ZNF10: variants seen among roughly 807,000 people sequenced by gnomAD.
ZNF10 encodes the protein zinc finger protein 10 (KOX 1).
Under a neutral mutation model 12.2 loss-of-function variants are expected in ZNF10, and 8 were observed. The observed-to-expected ratio is 0.66, with a 90% CI of 0.39 to 1.18. The LOEUF is 1.18. Among genes scored for constraint, ZNF10 ranks in the 50% most tolerant of loss-of-function variants. ZNF10 has a pLI of 0.01. For missense variants in ZNF10, 603 were observed against 678.9 expected, an observed-to-expected ratio of 0.89 and a Z score of 1.24; for synonymous variants, 229 against 228.2, an observed-to-expected ratio of 1.00 and a Z score of -0.03.
In ZNF10 at chr12:133,140,202, C is replaced by CAAA. The variant is rs67577219; in HGVS notation, c.-59-4205_-59-4203dup. On this transcript the variant is annotated intron_variant, in intron 1 of 4. Transcript: ENST00000248211. ...TGGATGACAGAGTAAGACCCTGTCT[C>CAAA]AAAAAAAAAAAAAAAAAAAAAAAAA... 1.4e-3 allele frequency among the ~76,000 whole-genome samples: 51 copies of CAAA among 35,200 alleles called. 4 individuals are homozygous for CAAA. The highest frequency in any genetic ancestry group is 0.011 in the South Asian group (6 of 562). The allele number at this position is 35,200 out of a possible 152,430, so 23.1% of individuals were successfully genotyped here.
chr12:133,155,901 TTC>T lies in ZNF10; in HGVS notation c.657_658del (p.Phe219LeufsTer16). On this transcript the variant is annotated frameshift_variant, in exon 5 of 5. Coordinates refer to ENST00000248211, the MANE Select transcript of ZNF10 (RefSeq NM_015394.5). LOFTEE classifies it low-confidence loss of function (END_TRUNC). The part of the protein sequence containing the change: ...ASNSNECGQT[F>X]CQNIHLIQFA... The stretch of plus-strand genomic sequence containing the variant: ...TAACAGTAATGAATGTGGTCAAACT[TTC>T]TGTCAAAACATTCACCTTATTCAGT... The T allele has an allele frequency of 6.2e-7, 1 of 1,613,936 alleles. No homozygotes were observed. The highest frequency in any genetic ancestry group is 8.5e-7 in the Non-Finnish European group (1 of 1,179,926).
At chr12:133,138,013 A>G (rs974607584) in intron 1 of ZNF10, among the ~76,000 whole-genome samples, 2 of 150,970 alleles carry the variant, frequency 1.3e-5, no homozygotes, top group Admixed American at 6.6e-5. Context: ...TCTCAACCTT[A>G]GCTATACATT....
intron 3 of ZNF10, 129 bp from the exon 4 acceptor site, chr12:133,151,680 C>A: frequency 1.8e-6 from 1 of 542,400 alleles, no homozygotes; most frequent in Non-Finnish European, 3.3e-6. Flanking sequence ...TTTCCTGCCT[C>A]TGTCAACTTT....
rs370809368 is a variant in ZNF10, at chr12:133,141,742, A to T, written c.-59-2692A>T. The stretch of plus-strand genomic sequence containing the variant: ...ACCGTATGAGTAATTGGAGTCCCTG[A>T]AGAAGAGAGTAAAGGAGAGATGGAG... On this transcript the variant is annotated intron_variant, in intron 1 of 4. Transcript: ENST00000248211. Among the ~76,000 whole-genome samples, 14 of 152,178 alleles carry T rather than the reference A, an allele frequency of 9.2e-5. No individual in the cohort carries two copies. In the East Asian group the frequency reaches 2.3e-3, roughly 25 times the overall value.
intron 2 of ZNF10, among the ~76,000 whole-genome samples, chr12:133,145,618 G>A (rs566570623): frequency 2.0e-5 from 3 of 151,836 alleles, no homozygotes; most frequent in East Asian, 1.9e-4. Context: ...AGAACAGCAC[G>A]GCCAACATGG....
intron 2 of ZNF10, among the ~76,000 whole-genome samples, chr12:133,145,622 A>G (rs1234623398): frequency 6.6e-6 from 1 of 151,736 alleles, no homozygotes; most frequent in Non-Finnish European, 1.5e-5. Flanking sequence ...CAGCACGGCC[A>G]ACATGGTAAG....
At chr12:133,152,781 TTGAG>T (rs1451220369) in intron 4 of ZNF10, among the ~76,000 whole-genome samples, 2 of 152,138 alleles carry the variant, frequency 1.3e-5, no homozygotes, top group Non-Finnish European at 2.9e-5. Context: ...ATCTCAGACT[TTGAG>T]TGTGATGTAA....
chr12:133,148,212 C>T (rs1955986852), intron 2 of ZNF10, among the ~76,000 whole-genome samples: 1 of 152,124 alleles, frequency 6.6e-6, no homozygotes, highest in African/African-American at 2.4e-5. Flanking sequence ...CCTCTGCCTC[C>T]AGCGTCGAAG....
chr12:133,154,457 T>G (rs1956027202), intron 4 of ZNF10, among the ~76,000 whole-genome samples: 1 of 152,244 alleles, frequency 6.6e-6, no homozygotes, highest in African/African-American at 2.4e-5. Flanking sequence ...TAAATCTTAT[T>G]GCTTTGACCA....
At chr12:133,145,651 A>C (rs1955971120) in intron 2 of ZNF10, among the ~76,000 whole-genome samples, 1 of 99,716 alleles carries the variant, frequency 1.0e-5, no homozygotes, top group South Asian at 2.9e-4. Flanking sequence ...TCTACTGAAA[A>C]TACAAAAATA....
intron 1 of ZNF10, among the ~76,000 whole-genome samples, chr12:133,131,786 T>C (rs902738545): frequency 6.6e-6 from 1 of 152,244 alleles, no homozygotes; most frequent in Non-Finnish European, 1.5e-5. Flanking sequence ...CTTTAGCTCT[T>C]AGTATATGCT....
chr12:133,133,101 C>T (rs868586804), intron 1 of ZNF10, among the ~76,000 whole-genome samples: 6 of 152,004 alleles, frequency 3.9e-5, no homozygotes, highest in East Asian at 1.9e-4. Flanking sequence ...ACATGAAAAG[C>T]GCAAATCTTA....
intron 1 of ZNF10, among the ~76,000 whole-genome samples, chr12:133,137,902 A>T (rs1263607341): frequency 1.3e-5 from 2 of 152,202 alleles, no homozygotes; most frequent in East Asian, 3.9e-4. Flanking sequence ...TAGAGAAGTC[A>T]GTTTTGGCCA....
At chr12:133,155,394 A>G (rs1956032868) in intron 4 of ZNF10, 109 bp from the exon 5 acceptor site, 1 of 1,184,752 alleles carries the variant, frequency 8.4e-7, no homozygotes, top group Admixed American at 3.0e-5. Flanking sequence ...TTATAAAGCC[A>G]TATTTGAAAG....
At chr12:133,143,868 T>G (rs917562843) in intron 1 of ZNF10, 6 of 151,884 alleles carry the variant, frequency 4.0e-5, no homozygotes, top group African/African-American at 1.2e-4. Context: ...GGGGAAAAAT[T>G]CACTTTCAAG....
chr12:133,136,516 T>C (rs1955912773), intron 1 of ZNF10, among the ~76,000 whole-genome samples: 1 of 152,230 alleles, frequency 6.6e-6, no homozygotes, highest in African/African-American at 2.4e-5. Context: ...TTTGGGCTTC[T>C]CTTTTATTTG....
Position 133,156,847 on chromosome 12 carries a change from T to G in ZNF10, c.1601T>G (p.Val534Gly). The G allele has an allele frequency of 6.5e-7, 1 of 1,530,536 alleles. No homozygotes were observed. 94.8% of individuals were successfully genotyped at this position (1,530,536 alleles called of 1,614,324 possible). A position where few individuals can be genotyped will look rare whatever the true frequency, so the allele number is the denominator to read the frequency against. The part of the protein sequence containing the change: ...IIFSQNSPFI[V>G]HQIAHTGEQF... ...TTCAGCCAGAACTCTCCATTTATAG[T>G]TCATCAAATAGCTCACACTGGAGAG... is the stretch of plus-strand genomic sequence containing the variant. Residue 534 changes from valine to glycine, a missense_variant, in exon 5 of 5, where the codon GTT becomes GGT. Physicochemically the swap from Val to Gly is moderately radical, Grantham distance 109 (BLOSUM62 -3). Coordinates refer to ENST00000248211, the MANE Select transcript of ZNF10 (RefSeq NM_015394.5).
intron 2 of ZNF10, 117 bp from the exon 3 acceptor site, chr12:133,150,911 C>A: frequency 7.9e-7 from 1 of 1,260,548 alleles, no homozygotes; most frequent in Non-Finnish European, 1.1e-6. Context: ...AAATTGTGGT[C>A]CATCCACTTT....
intron 1 of ZNF10, among the ~76,000 whole-genome samples, chr12:133,136,587 T>A (rs1459508898): frequency 1.3e-5 from 2 of 152,278 alleles, no homozygotes; most frequent in Non-Finnish European, 2.9e-5. Flanking sequence ...ACTCTTCAAG[T>A]TCTCTGGTTG....
Sources: gnomAD v4.1 joint callset for allele counts (sites outside exome capture counted in the v4.1 genomes callset) on GRCh38, gnomAD v4.1.1 for gene constraint, MANE v1.5 for transcripts, NCBI Gene and HGNC (gene_info 2026-07-23, HGNC 2026-07-21) for gene names.